Variants in STPG2 observed in about 807,000 individuals in gnomAD.
STPG2 encodes the protein sperm tail PG-rich repeat containing 2.
STPG2 carries 56 observed loss-of-function variants against 54.2 expected under a neutral mutation model. That is an observed-to-expected ratio of 1.03 (90% CI 0.83 to 1.29). The LOEUF (loss-of-function observed/expected upper bound fraction) is 1.29. STPG2 is among the 50% of genes most tolerant of loss of function. The probability of loss-of-function intolerance (pLI) is 0.00; values close to 1 mark genes in which losing one functional copy is unlikely to be tolerated. For missense variants in STPG2, 596 were observed against 544.9 expected (o/e 1.09, Z -0.93); for synonymous variants, 200 against 181.8 (o/e 1.10, Z -0.81).
At chr4:97,986,560 C>T (rs1394116704) in intron 5 of STPG2, among the ~76,000 whole-genome samples, 1 of 152,160 alleles carries the variant, frequency 6.6e-6, no homozygotes, top group African/African-American at 2.4e-5. Context: ...GTTAACACTC[C>T]ACACATTCAT....
chr4:97,683,846 T>C (rs1022790267), intron 10 of STPG2, among the ~76,000 whole-genome samples: 1 of 151,858 alleles, frequency 6.6e-6, no homozygotes, highest in African/African-American at 2.4e-5. Flanking sequence ...GAAAATTATA[T>C]GTTGTCTATG....
At chr4:97,886,429 C>T (rs1730572841) in intron 8 of STPG2, among the ~76,000 whole-genome samples, 1 of 151,970 alleles carries the variant, frequency 6.6e-6, no homozygotes, top group Non-Finnish European at 1.5e-5. Context: ...AGTAAAAAGG[C>T]AATAAAATGT....
intron 9 of STPG2, among the ~76,000 whole-genome samples, chr4:97,758,199 C>T (rs1725786850): frequency 6.6e-6 from 1 of 151,926 alleles, no homozygotes; most frequent in African/African-American, 2.4e-5. Context: ...TAGAAAGGCC[C>T]TAGAGGGCAT....
At chr4:97,709,099 T>A (rs574557676) in intron 10 of STPG2, among the ~76,000 whole-genome samples, 3 of 151,782 alleles carry the variant, frequency 2.0e-5, no homozygotes, top group African/African-American at 7.2e-5. Context: ...AACTTCTAAG[T>A]GCACAATTTT....
intron 8 of STPG2, among the ~76,000 whole-genome samples, chr4:97,922,314 GAAA>G (rs1230596798): frequency 1.3e-5 from 2 of 150,546 alleles, no homozygotes; most frequent in African/African-American, 4.9e-5. Context: ...AAAAGCTGGA[GAAA>G]AAAAGGAAAA....
chr4:97,845,877 C>A lies in STPG2; in HGVS notation c.1045-4945G>T, dbSNP rs557987687. On this transcript the variant is annotated intron_variant, in intron 8 of 10. Transcript: ENST00000295268. ...CCATTTGCATAGCCATTTACTAAGT[C>A]TGGGCAAGGACTAAAGACTGGTATT... 3.9e-5 allele frequency among the ~76,000 whole-genome samples: 6 copies of A among 152,212 alleles called. No homozygotes were observed. The East Asian group carries it at 1.2e-3, about 29-fold the overall frequency.
chr4:98,094,386 G>A (rs1738783123), intron 5 of STPG2, among the ~76,000 whole-genome samples: 1 of 151,786 alleles, frequency 6.6e-6, no homozygotes, highest in Non-Finnish European at 1.5e-5. Context: ...TGTGCCTTGG[G>A]TTCTGAAATG....
chr4:97,863,882 CT>C (rs1267497996), intron 8 of STPG2, among the ~76,000 whole-genome samples: 1 of 152,040 alleles, frequency 6.6e-6, no homozygotes. Context: ...CAGAAAAGGC[CT>C]TTGACAAAAT....
intron 10 of STPG2, among the ~76,000 whole-genome samples, chr4:97,627,543 A>T (rs150927877): frequency 3.4e-3 from 512 of 152,188 alleles, no homozygotes; most frequent in African/African-American, 0.012. Flanking sequence ...CTCATGTAAG[A>T]TAGTACAAAA....
chr4:97,667,137 T>G (rs1474945787), intron 10 of STPG2, among the ~76,000 whole-genome samples: 1 of 152,198 alleles, frequency 6.6e-6, no homozygotes, highest in African/African-American at 2.4e-5. Context: ...CCCAAACTAC[T>G]GAATCAGAAT....
chr4:97,494,295 G>T (rs549265847), intron 4 of STPG2, among the ~76,000 whole-genome samples: 9 of 151,638 alleles, frequency 5.9e-5, no homozygotes, highest in South Asian at 2.1e-4. Flanking sequence ...CTTTTCAGTT[G>T]CTCATAAATG....
In STPG2 at chr4:97,703,904, A is replaced by G. The variant is rs143623393; in HGVS notation, c.1320+8795T>C. Reference sequence around the variant, plus strand: ...TAGGCTGTCTGCAAACTGAGGAGCAAGGAGAGCCAGTCTGAGTCCCAAAAC... The same window carrying G: ...TAGGCTGTCTGCAAACTGAGGAGCAGGGAGAGCCAGTCTGAGTCCCAAAAC... On this transcript the variant is annotated intron_variant, in intron 10 of 10. Transcript: ENST00000295268. Among the ~76,000 whole-genome samples, 88 of 151,694 alleles carry G rather than the reference A, an allele frequency of 5.8e-4. 1 individual carries two copies. Among genetic ancestry groups the G allele is most frequent in the Non-Finnish European group, 1.1e-3 (73 of 67,926 alleles).
intron 9 of STPG2, among the ~76,000 whole-genome samples, chr4:97,813,650 TGGGCAGCATAGCAA>T (rs1727811305): frequency 9.0e-6 from 1 of 111,302 alleles, no homozygotes; most frequent in Non-Finnish European, 1.7e-5. Flanking sequence ...AAGTCCAGCT[TGGGCAGCATAGCAA>T]GACCCTGTCT....
At chr4:97,707,310 A>C (rs1004930412) in intron 10 of STPG2, among the ~76,000 whole-genome samples, 1 of 152,148 alleles carries the variant, frequency 6.6e-6, no homozygotes, top group Non-Finnish European at 1.5e-5. Flanking sequence ...GATTGCTTCC[A>C]GAAGTCCAAG....
Position 98,012,055 on chromosome 4 carries a change from T to C in STPG2, c.613-30737A>G, listed in dbSNP as rs1056781362. Among the ~76,000 whole-genome samples, 5 of 152,230 alleles carry C rather than the reference T, an allele frequency of 3.3e-5. No individual in the cohort carries two copies. In the East Asian group the frequency reaches 9.6e-4, roughly 29 times the overall value. On this transcript the variant is annotated intron_variant, in intron 5 of 10. Transcript: ENST00000295268. ...TGCCAAGGTCCTGAATGATATTGTCTAGGTTTTCTTCTATGGCTTTTATGG... is the reference window on the plus strand; with the variant it reads ...TGCCAAGGTCCTGAATGATATTGTCCAGGTTTTCTTCTATGGCTTTTATGG...
Position 97,452,898 on chromosome 4 carries a change from C to T in STPG2, c.462+259801G>A, listed in dbSNP as rs188483958. Among the ~76,000 whole-genome samples, 15 of 152,314 alleles carry T rather than the reference C, an allele frequency of 9.8e-5. No homozygotes were observed. The East Asian group carries it at 1.2e-3, about 12-fold the overall frequency. ...CTATCCCCTGTGGGTCTCCTGCAAG[C>T]GTTCTATTGCTCAATATAACTTCTC... On this transcript the variant is annotated intron_variant, in intron 4 of 4. Coordinates refer to the STPG2 transcript ENST00000522676.
At chr4:97,493,382 A>C (rs1401611174) in intron 4 of STPG2, among the ~76,000 whole-genome samples, 2 of 151,482 alleles carry the variant, frequency 1.3e-5, no homozygotes, top group Middle Eastern at 3.2e-3. Context: ...ATCTGGAAGC[A>C]GGATCCCGCT....
intron 10 of STPG2, among the ~76,000 whole-genome samples, chr4:97,573,200 T>C (rs1239168450): frequency 2.0e-5 from 3 of 152,116 alleles, no homozygotes; most frequent in Admixed American, 6.6e-5. Context: ...CTAATTTCTA[T>C]AGCAAACTTT....
At chr4:97,745,278 T>C (rs1479439165) in intron 9 of STPG2, among the ~76,000 whole-genome samples, 1 of 145,612 alleles carries the variant, frequency 6.9e-6, no homozygotes, top group Non-Finnish European at 1.5e-5. Flanking sequence ...AAAAAAACAA[T>C]TGCAGAAAAG....
Sources: allele counts gnomAD v4.1 joint callset (sites outside exome capture counted in the v4.1 genomes callset), GRCh38; gene constraint gnomAD v4.1.1; transcripts MANE v1.5; gene names NCBI Gene and HGNC (gene_info 2026-07-23, HGNC 2026-07-21).